TENM2: variants seen among roughly 807,000 people sequenced by gnomAD.
TENM2 encodes the protein teneurin-2.
TENM2 carries 52 observed loss-of-function variants against 245.2 expected under a neutral mutation model. That is an observed-to-expected ratio of 0.21 (90% CI 0.17 to 0.27). TENM2 has a LOEUF of 0.27. TENM2 is among the 10% of genes least tolerant of loss of function. The pLI, the probability that TENM2 is intolerant of heterozygous loss-of-function variation, is 1.00. For synonymous variants in TENM2, 1,363 were observed against 1,438.9 expected (o/e 0.95, Z 1.19); for missense variants, 3,046 against 3,666.8 (o/e 0.83, Z 4.37).
At chr5:168,068,628 C>T (rs2033464) in intron 7 of TENM2, among the ~76,000 whole-genome samples, 99,236 of 151,756 alleles carry the variant, frequency 0.65, 32,965 homozygotes, top group African/African-American at 0.71. Context: ...CCTCTAGGAA[C>T]AGTCAAGAAG....
chr5:168,025,057 C>G (rs1381543437), intron 5 of TENM2, among the ~76,000 whole-genome samples: 1 of 152,172 alleles, frequency 6.6e-6, no homozygotes, highest in Admixed American at 6.5e-5. Context: ...AGTAACTTCT[C>G]TATGATTTAA....
chr5:167,413,931 AG>A (rs1763035199), intron 2 of TENM2, among the ~76,000 whole-genome samples: 1 of 152,166 alleles, frequency 6.6e-6, no homozygotes, highest in Admixed American at 6.6e-5. Context: ...AACGTTTCTC[AG>A]TAATGAACAA....
intron 7 of TENM2, among the ~76,000 whole-genome samples, chr5:168,072,317 C>T (rs1581219895): frequency 6.6e-6 from 1 of 152,158 alleles, no homozygotes; most frequent in East Asian, 1.9e-4. Flanking sequence ...GACCTTGACC[C>T]CAAGGCTCTG....
At chr5:167,837,280 G>C (rs995486593) in intron 2 of TENM2, among the ~76,000 whole-genome samples, 2 of 152,052 alleles carry the variant, frequency 1.3e-5, no homozygotes, top group South Asian at 2.1e-4. Context: ...CTGAAAGAGT[G>C]AGCCACCCTG....
At chr5:168,042,284 A>C (rs528700714) in intron 5 of TENM2, among the ~76,000 whole-genome samples, 1 of 152,008 alleles carries the variant, frequency 6.6e-6, no homozygotes, top group Non-Finnish European at 1.5e-5. Flanking sequence ...TCCTCGCGTT[A>C]TGTATCGACA....
intron 2 of TENM2, among the ~76,000 whole-genome samples, chr5:167,421,237 C>A (rs920795137): frequency 6.6e-6 from 1 of 152,170 alleles, no homozygotes; most frequent in Non-Finnish European, 1.5e-5. Flanking sequence ...CCATGCTACT[C>A]AGTGTTGTTT....
At chr5:167,435,708 A>C (rs1455208418) in intron 2 of TENM2, among the ~76,000 whole-genome samples, 1 of 152,162 alleles carries the variant, frequency 6.6e-6, no homozygotes, top group Non-Finnish European at 1.5e-5. Flanking sequence ...AAGATAAAAA[A>C]ATGTGGGAAA....
intron 2 of TENM2, among the ~76,000 whole-genome samples, chr5:167,863,993 A>C (rs1156651822): frequency 6.6e-6 from 1 of 152,204 alleles, no homozygotes; most frequent in African/African-American, 2.4e-5. Flanking sequence ...CAATATTTAT[A>C]GGTCTTTGAG....
chr5:168,237,566 A>G (rs892733056), intron 25 of TENM2, among the ~76,000 whole-genome samples: 2 of 152,106 alleles, frequency 1.3e-5, no homozygotes, highest in African/African-American at 4.8e-5. Flanking sequence ...TGGCAAAGCT[A>G]ATCAGTGACA....
the TENM2 span, among the ~76,000 whole-genome samples, chr5:167,151,192 C>A: frequency 2.0e-5 from 3 of 152,096 alleles, no homozygotes; most frequent in East Asian, 5.8e-4. Context: ...GGGATCCCTG[C>A]CAAGTGGAGA....
chr5:168,023,188 G>A (rs900559075), intron 5 of TENM2, among the ~76,000 whole-genome samples: 1 of 152,218 alleles, frequency 6.6e-6, no homozygotes, highest in African/African-American at 2.4e-5. Context: ...TCGAAACCCT[G>A]CTGCAGAGAG....
At chr5:167,263,081 A>G in the TENM2 span, among the ~76,000 whole-genome samples, 17,625 of 152,050 alleles carry the variant, frequency 0.12, 1,270 homozygotes, top group East Asian at 0.26. Flanking sequence ...TAATACCACT[A>G]TCTGAGGGGT....
chr5:167,853,309 A>AAAAG (rs1305177966), intron 2 of TENM2, among the ~76,000 whole-genome samples: 3 of 138,582 alleles, frequency 2.2e-5, no homozygotes, highest in Non-Finnish European at 4.7e-5. Context: ...AAAAAAAAAA[A>AAAAG]AAAGAAAGTG....
chr5:167,450,815 T>C (rs1179275128), intron 2 of TENM2, among the ~76,000 whole-genome samples: 1 of 152,136 alleles, frequency 6.6e-6, no homozygotes, highest in African/African-American at 2.4e-5. Flanking sequence ...CTGTGCTACA[T>C]TAGATACCTT....
intron 2 of TENM2, among the ~76,000 whole-genome samples, chr5:167,687,980 C>A (rs775175908): frequency 6.6e-6 from 1 of 152,110 alleles, no homozygotes; most frequent in Non-Finnish European, 1.5e-5. Context: ...ACAATAATAG[C>A]GGTATTTATT....
chr5:167,719,335 A>G (rs1241910091), intron 2 of TENM2, among the ~76,000 whole-genome samples: 1 of 152,198 alleles, frequency 6.6e-6, no homozygotes, highest in Non-Finnish European at 1.5e-5. Context: ...ATAACATAGC[A>G]CAGAGGACTA....
the TENM2 span, among the ~76,000 whole-genome samples, chr5:167,053,404 G>A: frequency 1.3e-5 from 2 of 152,124 alleles, no homozygotes; most frequent in Non-Finnish European, 2.9e-5. Flanking sequence ...AATGTTTGTG[G>A]AATGAATAGA....
the TENM2 span, among the ~76,000 whole-genome samples, chr5:167,015,661 TC>T: frequency 1.3e-5 from 2 of 152,226 alleles, no homozygotes; most frequent in Non-Finnish European, 2.9e-5. Context: ...TTGTTTGCCA[TC>T]TTGCCATTTC....
intron 25 of TENM2, among the ~76,000 whole-genome samples, chr5:168,241,411 T>C (rs946640262): frequency 3.3e-5 from 5 of 150,902 alleles, no homozygotes; most frequent in Non-Finnish European, 7.4e-5. Context: ...CATGCTACCA[T>C]GCTTGGCTAA....
Sources: gnomAD v4.1 joint callset for allele counts (sites outside exome capture counted in the v4.1 genomes callset) on GRCh38, gnomAD v4.1.1 for gene constraint, MANE v1.5 for transcripts, NCBI Gene and HGNC (gene_info 2026-07-23, HGNC 2026-07-21) for gene names.